NAA16: variants seen among roughly 807,000 people sequenced by gnomAD.
NAA16 encodes NARG1-like protein.
NAA16 carries 97 observed loss-of-function variants against 110.3 expected under a neutral mutation model. That is an observed-to-expected ratio of 0.88 (90% CI 0.75 to 1.04). NAA16 has a LOEUF of 1.04. Among genes scored for constraint, NAA16 ranks in the 50% least tolerant of loss-of-function variants. The probability of loss-of-function intolerance (pLI) is 0.00; values close to 1 mark genes in which losing one functional copy is unlikely to be tolerated. For synonymous variants in NAA16, 372 were observed against 330.6 expected (o/e 1.13, Z -1.36); for missense variants, 1,017 against 1,005.1 (o/e 1.01, Z -0.16).
At position 41,358,412 on chromosome 13, in the gene NAA16, C is replaced by T. The variant is rs770813395; in HGVS notation, c.1196C>T (p.Ala399Val). ...TCTTTGGCTTTGGATTATATTAATG[C>T]TGCAATTGCTAGTACTCCAACTCTA... is the stretch of plus-strand genomic sequence containing the variant. Reference protein sequence around the residue: ...QYSLALDYINAAIASTPTLIE... With the variant: ...QYSLALDYINVAIASTPTLIE... Residue 399 changes from alanine (A) to valine (V), a missense_variant, in exon 11 of 20, where the codon GCT (alanine) becomes GTT (valine). By Grantham distance (64) the Ala-to-Val change is moderately conservative. Transcript: ENST00000379406. The T allele has an allele frequency of 2.7e-5, 44 of 1,612,942 alleles. No homozygotes were observed. The highest frequency in any genetic ancestry group is 2.3e-5 in the Non-Finnish European group (27 of 1,179,114).
intron 17 of NAA16, 181 bp downstream of exon 17, chr13:41,373,011 C>G: frequency 1.3e-6 from 1 of 785,044 alleles, no homozygotes; most frequent in Non-Finnish European, 1.5e-6. Flanking sequence ...TGGGATGCCA[C>G]TGAGAGAAGC....
intron 1 of NAA16, among the ~76,000 whole-genome samples, chr13:41,313,485 T>A (rs890297430): frequency 2.0e-5 from 3 of 152,374 alleles, no homozygotes; most frequent in Admixed American, 6.5e-5. Flanking sequence ...AAAATTTGGC[T>A]ACAACAAATT....
At position 41,369,105 on chromosome 13, in the gene NAA16, A is replaced by C; in HGVS notation, c.1769A>C (p.Lys590Thr). The part of the protein sequence containing the change: ...QEINSENLSA[K>T]ELKKMLSKQR... ...ATATTTATAGAAAACTTGTCAGCCA[A>C]AGAATTGAAGAAAATGCTTAGCAAG... Residue 590 changes from lysine to threonine, a missense_variant, in exon 15 of 20, where the codon AAA becomes ACA. Coordinates refer to ENST00000379406, the MANE Select transcript of NAA16 (RefSeq NM_024561.5). 1.3e-6 allele frequency: 2 copies of C among 1,563,938 alleles called. No individual in the cohort carries two copies. The highest frequency in any genetic ancestry group is 4.5e-5 in the East Asian group (2 of 44,204).
intron 9 of NAA16, among the ~76,000 whole-genome samples, chr13:41,353,597 T>A (rs1291324632): frequency 8.9e-5 from 2 of 22,366 alleles, no homozygotes; most frequent in Admixed American, 1.1e-3. Context: ...AGACTTTGTC[T>A]CTTAAAAAAA....
At chr13:41,362,852 G>C (rs2043141257) in intron 13 of NAA16, 1 of 1,284,984 alleles carries the variant, frequency 7.8e-7, no homozygotes. Context: ...ACGCAGTATA[G>C]AACCACAGGC....
chr13:41,353,512 C>G (rs1048954630), intron 9 of NAA16, among the ~76,000 whole-genome samples: 3 of 151,272 alleles, frequency 2.0e-5, no homozygotes, highest in African/African-American at 4.9e-5. Context: ...CACCTGTAAT[C>G]CCAGCACTTT....
intron 9 of NAA16, among the ~76,000 whole-genome samples, chr13:41,347,109 G>A (rs567076977): frequency 5.9e-5 from 9 of 151,780 alleles, no homozygotes; most frequent in Non-Finnish European, 8.8e-5. Flanking sequence ...CCAGCTGCTC[G>A]GGAGGCTGAG....
intron 9 of NAA16, among the ~76,000 whole-genome samples, chr13:41,341,226 G>A (rs887187636): frequency 1.4e-4 from 21 of 152,110 alleles, no homozygotes; most frequent in African/African-American, 4.8e-4. Flanking sequence ...GCTGTATATA[G>A]CATAGAGATT....
chr13:41,342,953 T>G (rs1349334980), intron 9 of NAA16, among the ~76,000 whole-genome samples: 11 of 152,020 alleles, frequency 7.2e-5, no homozygotes, highest in Non-Finnish European at 1.3e-4. Flanking sequence ...TTAGAAGTAA[T>G]TTTTCATCAA....
intron 19 of NAA16, 75 bp downstream of exon 19, chr13:41,374,914 G>GAGT: frequency 1.2e-6 from 1 of 844,684 alleles, no homozygotes; most frequent in Non-Finnish European, 1.9e-6. Context: ...CATAATTCTT[G>GAGT]AGTAGGCCTT....
At chr13:41,361,956 A>G in intron 12 of NAA16, 75 bp from the exon 13 acceptor site, 1 of 1,512,982 alleles carries the variant, frequency 6.6e-7, no homozygotes, top group Non-Finnish European at 9.0e-7. Flanking sequence ...CTGTAGCCCT[A>G]GTTGTAAAGA....
At chr13:41,338,818 A>G (rs1336353039) in intron 9 of NAA16, among the ~76,000 whole-genome samples, 1 of 152,148 alleles carries the variant, frequency 6.6e-6, no homozygotes, top group Non-Finnish European at 1.5e-5. Context: ...TTACACAGAT[A>G]AGTTCTTTAG....
chr13:41,368,350 C>G (rs1231311132), intron 14 of NAA16, among the ~76,000 whole-genome samples: 1 of 152,108 alleles, frequency 6.6e-6, no homozygotes, highest in Non-Finnish European at 1.5e-5. Context: ...TTAGAGATCA[C>G]AGGTGTTTAT....
rs746596095 is a variant in NAA16 at position 41,367,568 on chromosome 13, G to A, written c.1669G>A (p.Ala557Thr). The A allele has an allele frequency of 1.9e-5, 30 of 1,613,014 alleles. No homozygotes were observed. The Middle Eastern group carries it at 4.9e-4, about 27-fold the overall frequency. Reference protein sequence around the residue: ...ILRRHAFYFKAARSAIEIYLK... With the variant: ...ILRRHAFYFKTARSAIEIYLK... Reference sequence around the variant, plus strand: ...CAGAAGACATGCCTTTTATTTCAAGGCTGCTAGATCAGCGATTGAAATATA... The same window carrying A: ...CAGAAGACATGCCTTTTATTTCAAGACTGCTAGATCAGCGATTGAAATATA... The change falls in exon 14 of 20, where the codon GCT becomes ACT. Residue 557 changes from alanine (A) to threonine (T), a missense_variant. Coordinates refer to ENST00000379406, the MANE Select transcript of NAA16 (RefSeq NM_024561.5).
rs1241316019 is a variant in NAA16, at chr13:41,352,976, G to C, written c.1015-2168G>C. Among the ~76,000 whole-genome samples the C allele has an allele frequency of 3.3e-5, 5 of 152,084 alleles. No homozygotes were observed. In the East Asian group the frequency reaches 9.6e-4, roughly 29 times the overall value. ...TACTAAAAATAGAAAAATTAGCCGG[G>C]TGTGGTGGCGGGTGCCTGTAATCCC... is the stretch of plus-strand genomic sequence containing the variant. On this transcript the variant is annotated intron_variant, in intron 9 of 19. Transcript: ENST00000379406.
chr13:41,364,480 A>G lies in NAA16; in HGVS notation c.1539+2321A>G, dbSNP rs569047270. Among the ~76,000 whole-genome samples the G allele has an allele frequency of 2.0e-5, 3 of 152,266 alleles. No individual in the cohort carries two copies. The South Asian group carries it at 6.2e-4, about 32-fold the overall frequency. Reference sequence around the variant, plus strand: ...GATGTTTGAAACTTGACTTTTATTAAAACAAACAGAACAACCTTCTTCAAA... The same window carrying G: ...GATGTTTGAAACTTGACTTTTATTAGAACAAACAGAACAACCTTCTTCAAA... On this transcript the variant is annotated intron_variant, in intron 13 of 19. Coordinates refer to ENST00000379406, the MANE Select transcript of NAA16 (RefSeq NM_024561.5).
chr13:41,320,078 G>T lies in NAA16; in HGVS notation c.245-589G>T, dbSNP rs565728015. Reference sequence around the variant, plus strand: ...TGCTTACCCCAGAGTGAAGAGAAGGGCATGTAAGTATGATAGTTTTGTGGG... The same window carrying T: ...TGCTTACCCCAGAGTGAAGAGAAGGTCATGTAAGTATGATAGTTTTGTGGG... On this transcript the variant is annotated intron_variant, in intron 3 of 19. Coordinates refer to ENST00000379406, the MANE Select transcript of NAA16 (RefSeq NM_024561.5). Among the ~76,000 whole-genome samples, 3 of 152,174 alleles carry T rather than the reference G, an allele frequency of 2.0e-5. No individual in the cohort carries two copies. The South Asian group carries it at 6.2e-4, about 32-fold the overall frequency.
At chr13:41,330,898 G>C (rs562761181) in intron 7 of NAA16, among the ~76,000 whole-genome samples, 1 of 151,968 alleles carries the variant, frequency 6.6e-6, no homozygotes, top group Non-Finnish European at 1.5e-5. Context: ...TTGATTCAGC[G>C]TGTTTACGTA....
chr13:41,328,610 C>G, intron 6 of NAA16, 114 bp from the exon 7 acceptor site: 3 of 809,738 alleles, frequency 3.7e-6, no homozygotes, highest in Non-Finnish European at 5.8e-6. Flanking sequence ...AAAGGGGAAG[C>G]ATACAGAGTT....
Sources: gnomAD v4.1 joint callset for allele counts (sites outside exome capture counted in the v4.1 genomes callset) on GRCh38, gnomAD v4.1.1 for gene constraint, MANE v1.5 for transcripts, NCBI Gene and HGNC (gene_info 2026-07-23, HGNC 2026-07-21) for gene names.